Variants in RNF44 observed in about 807,000 individuals in gnomAD.
RNF44 encodes ring finger protein 44.
In RNF44, 25 loss-of-function variants were observed where a neutral mutation model predicts 53.6. The ratio of observed to expected loss-of-function variants is 0.47; its 90% CI spans 0.34 to 0.65. The LOEUF (loss-of-function observed/expected upper bound fraction) is 0.65. Among genes scored for constraint, RNF44 ranks in the 30% least tolerant of loss-of-function variants. The probability of loss-of-function intolerance (pLI) is 0.01; values close to 1 mark genes in which losing one functional copy is unlikely to be tolerated. For synonymous variants in RNF44, 282 were observed against 252.2 expected, an observed-to-expected ratio of 1.12 and a Z score of -1.12; for missense variants, 581 against 595.5, an observed-to-expected ratio of 0.98 and a Z score of 0.25.
chr5:176,540,212 G>A (rs1191139739), upstream of RNF44, among the ~76,000 whole-genome samples: 2 of 152,098 alleles, frequency 1.3e-5, no homozygotes, highest in Non-Finnish European at 2.9e-5. Flanking sequence ...TTTTAAGTGC[G>A]CAGACGTCCA....
At chr5:176,530,472 A>T (rs1199610200) in intron 6 of RNF44, 110 bp downstream of exon 6, 2 of 1,193,354 alleles carry the variant, frequency 1.7e-6, no homozygotes, top group Non-Finnish European at 2.2e-6. Flanking sequence ...CGTGCAAGTC[A>T]GCCCGGTGGG....
upstream of RNF44, chr5:176,538,046 C>T (rs540934052): frequency 7.9e-5 from 12 of 152,328 alleles, 1 homozygote; most frequent in Admixed American, 6.5e-4. Flanking sequence ...GAGATTGGCC[C>T]TGCTCGCGCT....
In RNF44 at chr5:176,531,134, G is replaced by T. The variant is rs754696740; in HGVS notation, c.466-113C>A. ...CGGGCACACACCCAGCAGCTCCAGG[G>T]TCTGTATAAGAAACCCTGTGGAAGG... is the stretch of plus-strand genomic sequence containing the variant. On this transcript the variant is annotated intron_variant, in intron 4 of 10. Transcript: ENST00000274811. This position sits in a 1 kb window ranked among gnomAD's most constrained non-coding sequence, Gnocchi z 4.2. 6.5e-6 allele frequency: 5 copies of T among 765,196 alleles called. No homozygotes were observed. Among genetic ancestry groups the T allele is most frequent in the Admixed American group, 3.6e-5 (1 of 27,670 alleles). 47.4% of individuals were successfully genotyped at this position (765,196 alleles called of 1,614,324 possible). A position where few individuals can be genotyped will look rare whatever the true frequency, so the allele number is the denominator to read the frequency against.
In RNF44 at chr5:176,528,663, G is replaced by C. The variant is rs1756264570; in HGVS notation, c.*365C>G. The C allele has an allele frequency of 3.2e-6, 1 of 311,184 alleles. No individual in the cohort carries two copies. The highest frequency in any genetic ancestry group is 6.5e-5 in the East Asian group (1 of 15,390). The allele number at this position is 311,184 out of a possible 1,614,324, so 19.3% of individuals were successfully genotyped here. On this transcript the variant is annotated 3_prime_UTR_variant, in exon 11 of 11. Coordinates refer to ENST00000274811, the MANE Select transcript of RNF44 (RefSeq NM_014901.5). ...ACCTTCTGACCCAGGATGGTGCTCT[G>C]TCTGCCCATCCTGGGGCCAAGGATC...
In RNF44 at chr5:176,528,587, C is replaced by T. The variant is rs559116072; in HGVS notation, c.*441G>A. On this transcript the variant is annotated 3_prime_UTR_variant, in exon 11 of 11. Transcript: ENST00000274811. Reference sequence around the variant, plus strand: ...AATGGCTCGTGACACCGTCTGTCTACGCACCTGGCAGTGCCACCTGGGCAG... The same window carrying T: ...AATGGCTCGTGACACCGTCTGTCTATGCACCTGGCAGTGCCACCTGGGCAG... 12 of 189,850 alleles carry T rather than the reference C, an allele frequency of 6.3e-5. No individual in the cohort carries two copies. The East Asian group carries it at 7.6e-4, about 12-fold the overall frequency. The allele number at this position is 189,850 out of a possible 1,614,324, so 11.8% of individuals were successfully genotyped here. A position where few individuals can be genotyped will look rare whatever the true frequency, so the allele number is the denominator to read the frequency against.
intron 8 of RNF44, 22 bp from the exon 9 acceptor site, chr5:176,529,666 G>C: frequency 6.2e-7 from 1 of 1,613,028 alleles, no homozygotes; most frequent in Middle Eastern, 1.7e-4. Flanking sequence ...CAGGAGACGG[G>C]GTCAGCGGCG....
chr5:176,542,854 G>A (rs1757483917), upstream of RNF44: 1 of 152,340 alleles, frequency 6.6e-6, no homozygotes, highest in Admixed American at 6.5e-5. Context: ...TGGCTCCCCG[G>A]CGGCCGGCAC....
chr5:176,540,646 G>A (rs1459404245), upstream of RNF44, among the ~76,000 whole-genome samples: 2 of 152,232 alleles, frequency 1.3e-5, no homozygotes, highest in Non-Finnish European at 2.9e-5. Flanking sequence ...TCCAGGACCT[G>A]GCTCACGCTG....
rs954866755 is a variant in RNF44, at chr5:176,531,382, G to A, written c.465+81C>T. Reference sequence around the variant, plus strand: ...GGCTGGATAGCTCAGCCCAGTTCAGGGCTGCCCTGGGCCCGCTGAGCCGCT... The same window carrying A: ...GGCTGGATAGCTCAGCCCAGTTCAGAGCTGCCCTGGGCCCGCTGAGCCGCT... On this transcript the variant is annotated intron_variant, in intron 4 of 10. Transcript: ENST00000274811. The surrounding 1 kb of genome is among the most constrained non-coding windows in gnomAD (Gnocchi z 4.2). 2.9e-6 allele frequency: 4 copies of A among 1,394,032 alleles called. No individual in the cohort carries two copies. Among genetic ancestry groups the A allele is most frequent in the African/African-American group, 2.8e-5 (2 of 70,288 alleles). The allele number at this position is 1,394,032 out of a possible 1,614,324, so 86.4% of individuals were successfully genotyped here. A position where few individuals can be genotyped will look rare whatever the true frequency, so the allele number is the denominator to read the frequency against.
In RNF44 at chr5:176,528,126, C is replaced by A. The variant is rs556406485; in HGVS notation, c.*902G>T. 1.3e-4 allele frequency: 20 copies of A among 152,404 alleles called. No individual in the cohort carries two copies. Among genetic ancestry groups the A allele is most frequent in the Non-Finnish European group, 2.8e-4 (19 of 68,026 alleles). 9.4% of individuals were successfully genotyped at this position (152,404 alleles called of 1,614,324 possible). ...GACCGTGCTCGGCCCCCTGGGCACT[C>A]GGTCCCAGTTGGTCCCTATACCCGC... On this transcript the variant is annotated 3_prime_UTR_variant, in exon 11 of 11. Coordinates refer to ENST00000274811, the MANE Select transcript of RNF44 (RefSeq NM_014901.5).
intron 1 of RNF44, 28 bp from the exon 2 acceptor site, chr5:176,532,544 AG>A: frequency 2.1e-6 from 3 of 1,457,280 alleles, no homozygotes; most frequent in Non-Finnish European, 2.7e-6. Context: ...AAGAAGACTG[AG>A]GCACCTGGCC....
chr5:176,529,834 T>C lies in RNF44; in HGVS notation c.927-16A>G, dbSNP rs891381291. On this transcript the variant is annotated splice_polypyrimidine_tract_variant and intron_variant, in intron 7 of 10. Coordinates refer to ENST00000274811, the MANE Select transcript of RNF44 (RefSeq NM_014901.5). The stretch of plus-strand genomic sequence containing the variant: ...CAGCATCGAGCTAGAGAGAGACAAG[T>C]GTGGGGGCCCAGGGTCAAGGTCAGG... 6.3e-6 allele frequency: 10 copies of C among 1,579,174 alleles called. No individual in the cohort carries two copies. Among genetic ancestry groups the C allele is most frequent in the Non-Finnish European group, 8.6e-6 (10 of 1,163,264 alleles).
intron 6 of RNF44, 64 bp downstream of exon 6, chr5:176,530,518 T>C: frequency 7.4e-7 from 1 of 1,355,436 alleles, no homozygotes; most frequent in Non-Finnish European, 9.5e-7. Flanking sequence ...CAGATGCAGG[T>C]CGGCCCAGCG....
rs1756391306 is a variant in RNF44, at chr5:176,529,816, G to A, written c.929C>T (p.Ser310Leu). ...TGCTGTTGGTGACATTGGCAGCATC[G>A]AGCTAGAGAGAGACAAGTGTGGGGG... Reference protein sequence around the residue: ...YYPSFLPYFLSMLPMSPTAMG... With the variant: ...YYPSFLPYFLLMLPMSPTAMG... Residue 310 changes from serine (S) to leucine (L), a missense_variant and splice_region_variant, in exon 8 of 11, where the codon TCG becomes TTG. Ser to Leu is a moderately radical substitution (Grantham distance 145). Coordinates refer to ENST00000274811, the MANE Select transcript of RNF44 (RefSeq NM_014901.5). 3.8e-6 allele frequency: 6 copies of A among 1,596,450 alleles called. No individual in the cohort carries two copies. The highest frequency in any genetic ancestry group is 4.3e-6 in the Non-Finnish European group (5 of 1,171,370).
chr5:176,534,697 C>T (rs66833913), intron 1 of RNF44, among the ~76,000 whole-genome samples: 10,722 of 152,308 alleles, frequency 0.07, 433 homozygotes, highest in East Asian at 0.14. Context: ...CATAGTTCTG[C>T]TGGTGCAGAA....
rs1314133671 is a variant in RNF44, at chr5:176,526,996, T to C, written c.*2032A>G. 1.3e-5 allele frequency: 2 copies of C among 152,238 alleles called. No individual in the cohort carries two copies. The highest frequency in any genetic ancestry group is 6.6e-5 in the Admixed American group (1 of 15,242). The allele number at this position is 152,238 out of a possible 1,614,324, so 9.4% of individuals were successfully genotyped here. On this transcript the variant is annotated 3_prime_UTR_variant, in exon 11 of 11. Transcript: ENST00000274811. ...ATATATTAGCATTTTCTCAAATACA[T>C]ACATGGGAAAAATGAGGTAACTGTA... is the stretch of plus-strand genomic sequence containing the variant.
intron 8 of RNF44, 40 bp from the exon 9 acceptor site, chr5:176,529,684 C>A: frequency 6.2e-7 from 1 of 1,611,596 alleles, no homozygotes; most frequent in Non-Finnish European, 8.5e-7. Flanking sequence ...GCGCCCAGGG[C>A]TGCAGGTCTC....
the RNF44 span, among the ~76,000 whole-genome samples, chr5:176,543,377 C>G: frequency 1.3e-5 from 2 of 150,024 alleles, no homozygotes; most frequent in East Asian, 2.0e-4. This position sits in a 1 kb window ranked among gnomAD's most constrained non-coding sequence, Gnocchi z 4.0. Flanking sequence ...CCTCTCCGGC[C>G]CGGTGCAGGG....
chr5:176,538,938 T>C (rs1757378208), upstream of RNF44, among the ~76,000 whole-genome samples: 1 of 152,222 alleles, frequency 6.6e-6, no homozygotes, highest in African/African-American at 2.4e-5. Flanking sequence ...ATTGTATATA[T>C]TGCACATTAG....
Sources: allele counts gnomAD v4.1 joint callset (sites outside exome capture counted in the v4.1 genomes callset), GRCh38; gene constraint gnomAD v4.1.1; non-coding constraint Gnocchi (gnomAD v3.1); transcripts MANE v1.5; gene names NCBI Gene and HGNC (gene_info 2026-07-23, HGNC 2026-07-21).